Variants in ENTPD1 observed in about 807,000 individuals in gnomAD.
The protein encoded by ENTPD1 is ectonucleoside triphosphate diphosphohydrolase 1.
A neutral mutation model predicts 57.0 loss-of-function variants in ENTPD1; 33 were observed. The observed-to-expected ratio is 0.58, with a 90% CI of 0.44 to 0.77. ENTPD1 has a LOEUF of 0.77. Among genes scored for constraint, ENTPD1 ranks in the 30% least tolerant of loss-of-function variants. ENTPD1 has a pLI of 0.00. For missense variants in ENTPD1, 501 were observed against 603.4 expected, an observed-to-expected ratio of 0.83 and a Z score of 1.78; for synonymous variants, 202 against 218.8, an observed-to-expected ratio of 0.92 and a Z score of 0.68.
chr10:95,826,022 A>C (rs1356500760), intron 2 of ENTPD1, among the ~76,000 whole-genome samples: 1 of 152,206 alleles, frequency 6.6e-6, no homozygotes, highest in African/African-American at 2.4e-5. Context: ...CTCTGTCTCA[A>C]AAAAAGTAAA....
intron 1 of ENTPD1, among the ~76,000 whole-genome samples, chr10:95,717,412 G>A (rs1296253778): frequency 2.0e-5 from 3 of 150,796 alleles, no homozygotes; most frequent in East Asian, 3.9e-4. Flanking sequence ...AATGGGAGGG[G>A]ACCCAAAGGG....
intron 1 of ENTPD1, among the ~76,000 whole-genome samples, chr10:95,811,906 A>G (rs373175416): frequency 9.2e-5 from 14 of 152,304 alleles, no homozygotes; most frequent in Middle Eastern, 3.4e-3. Flanking sequence ...ATTTTTTCAC[A>G]TATTCATAAG....
intron 3 of ENTPD1, among the ~76,000 whole-genome samples, chr10:95,840,149 A>G (rs759101332): frequency 6.6e-6 from 1 of 152,226 alleles, no homozygotes; most frequent in Non-Finnish European, 1.5e-5. Flanking sequence ...TTTTTTAAAA[A>G]TGAGGGCACT....
chr10:95,813,307 G>T (rs2098315796), intron 1 of ENTPD1, among the ~76,000 whole-genome samples: 1 of 152,166 alleles, frequency 6.6e-6, no homozygotes, highest in African/African-American at 2.4e-5. Context: ...TATGAAGGGA[G>T]AACCATCTGC....
At chr10:95,700,575 C>G in the ENTPD1 span, among the ~76,000 whole-genome samples, 1 of 152,026 alleles carries the variant, frequency 6.6e-6, no homozygotes, top group Non-Finnish European at 1.5e-5. Flanking sequence ...ATAGTCCTAG[C>G]TGCACAAGAG....
intron 7 of ENTPD1, among the ~76,000 whole-genome samples, chr10:95,859,951 C>T (rs994331291): frequency 4.0e-5 from 6 of 151,840 alleles, no homozygotes; most frequent in African/African-American, 1.5e-4. Flanking sequence ...TAAAATAGTA[C>T]CTAGCCCATA....
At chr10:95,788,833 A>G (rs1020347449) in intron 1 of ENTPD1, among the ~76,000 whole-genome samples, 3 of 152,194 alleles carry the variant, frequency 2.0e-5, no homozygotes, top group Admixed American at 1.3e-4. Context: ...TCTCTATGGT[A>G]ACTATGGCTT....
chr10:95,847,561 C>T lies in ENTPD1; in HGVS notation c.929C>T (p.Pro310Leu). 1 of 1,614,174 alleles carries T rather than the reference C, an allele frequency of 6.2e-7. No homozygotes were observed. The highest frequency in any genetic ancestry group is 8.5e-7 in the Non-Finnish European group (1 of 1,180,028). ...ACCAAGAGATTTGAGATGACTCTTCCATTCCAGCAGTTTGAAATCCAGGGT... is the reference window on the plus strand; with the variant it reads ...ACCAAGAGATTTGAGATGACTCTTCTATTCCAGCAGTTTGAAATCCAGGGT... ...PCTKRFEMTL[P>L]FQQFEIQGIG... Residue 310 changes from proline to leucine, a missense_variant, in exon 7 of 10, where the codon CCA (proline) becomes CTA (leucine). Transcript: ENST00000371205.
chr10:95,858,599 G>C (rs913767934), intron 7 of ENTPD1, among the ~76,000 whole-genome samples: 4 of 151,876 alleles, frequency 2.6e-5, no homozygotes, highest in African/African-American at 9.7e-5. Flanking sequence ...GGGTTAAGAG[G>C]GCAGAAATAG....
At chr10:95,788,847 T>C (rs2098191367) in intron 1 of ENTPD1, among the ~76,000 whole-genome samples, 1 of 152,216 alleles carries the variant, frequency 6.6e-6, no homozygotes, top group Admixed American at 6.5e-5. Context: ...ATGGCTTTTA[T>C]AAAATAAACA....
the ENTPD1 span, among the ~76,000 whole-genome samples, chr10:95,696,313 C>A: frequency 6.6e-6 from 1 of 152,012 alleles, no homozygotes; most frequent in African/African-American, 2.4e-5. Context: ...GAGAGTCTTG[C>A]CCTGTCACCC....
At position 95,874,602 on chromosome 10, in the gene ENTPD1, CCTT is replaced by C. The variant is rs1440866601; in HGVS notation, c.*8225_*8227del. ...GGGGTCTACCGTTCTGGGACTGTGGCCTTCTTCTCACAGCTCCACTAGGCAGTG... is the reference window on the plus strand; with the variant it reads ...GGGGTCTACCGTTCTGGGACTGTGGCCTTCTCACAGCTCCACTAGGCAGTG... On this transcript the variant is annotated 3_prime_UTR_variant, in exon 10 of 10. Coordinates refer to ENST00000371205, the MANE Select transcript of ENTPD1 (RefSeq NM_001776.6). Among the ~76,000 whole-genome samples the C allele has an allele frequency of 2.6e-5, 4 of 152,308 alleles. No homozygotes were observed. Among genetic ancestry groups the C allele is most frequent in the South Asian group, 2.1e-4 (1 of 4,828 alleles).
At chr10:95,738,172 G>A (rs1263291253) in intron 1 of ENTPD1, among the ~76,000 whole-genome samples, 1 of 152,174 alleles carries the variant, frequency 6.6e-6, no homozygotes, top group Non-Finnish European at 1.5e-5. Context: ...TGCTCAGCAG[G>A]GATATGGATA....
chr10:95,761,955 A>G (rs1427552537), intron 1 of ENTPD1, among the ~76,000 whole-genome samples: 3 of 152,206 alleles, frequency 2.0e-5, no homozygotes, highest in Non-Finnish European at 4.4e-5. Flanking sequence ...TCTAGGAGCA[A>G]AGCAAGGAAA....
intron 1 of ENTPD1, among the ~76,000 whole-genome samples, chr10:95,762,937 T>C (rs1337077167): frequency 6.6e-6 from 1 of 152,180 alleles, no homozygotes; most frequent in Admixed American, 6.5e-5. Context: ...TTTCACGATA[T>C]ACTTCTTTTG....
chr10:95,814,320 G>T (rs1451386595), intron 1 of ENTPD1, among the ~76,000 whole-genome samples: 14 of 152,174 alleles, frequency 9.2e-5, no homozygotes. Context: ...TTTGGTTGGA[G>T]GAAGTGAGAA....
intron 1 of ENTPD1, among the ~76,000 whole-genome samples, chr10:95,787,752 T>C (rs183856823): frequency 6.6e-6 from 1 of 152,160 alleles, no homozygotes; most frequent in Admixed American, 6.5e-5. Flanking sequence ...TTAACCTATA[T>C]TATTTGCATT....
chr10:95,718,727 C>G (rs1344753479), intron 1 of ENTPD1, among the ~76,000 whole-genome samples: 2 of 152,178 alleles, frequency 1.3e-5, no homozygotes, highest in African/African-American at 4.8e-5. Flanking sequence ...GGATTACTTT[C>G]AAGTATTCCA....
intron 1 of ENTPD1, among the ~76,000 whole-genome samples, chr10:95,761,835 G>A (rs1204958168): frequency 1.3e-5 from 2 of 152,192 alleles, no homozygotes. Flanking sequence ...ATCTTGTGCT[G>A]GGTGTTGGAG....
Sources: allele counts gnomAD v4.1 joint callset (sites outside exome capture counted in the v4.1 genomes callset), GRCh38; gene constraint gnomAD v4.1.1; transcripts MANE v1.5; gene names NCBI Gene and HGNC (gene_info 2026-07-23, HGNC 2026-07-21).